JPT1: variants seen among roughly 807,000 people sequenced by gnomAD.
The protein encoded by JPT1 is Jupiter microtubule associated homolog 1, also known as androgen-regulated protein 2.
JPT1 carries 5 observed loss-of-function variants against 17.0 expected under a neutral mutation model. The ratio of observed to expected loss-of-function variants is 0.29; its 90% CI spans 0.15 to 0.62. The LOEUF (loss-of-function observed/expected upper bound fraction) is 0.62. Among genes scored for constraint, JPT1 ranks in the 20% least tolerant of loss-of-function variants. The probability of loss-of-function intolerance (pLI) is 0.85; values close to 1 mark genes in which losing one functional copy is unlikely to be tolerated. For synonymous variants in JPT1, 71 were observed against 73.6 expected (o/e 0.96, Z 0.18); for missense variants, 158 against 188.1 (o/e 0.84, Z 0.94).
At chr17:75,140,290 G>A (rs908971019) in intron 4 of JPT1, among the ~76,000 whole-genome samples, 2 of 152,002 alleles carry the variant, frequency 1.3e-5, no homozygotes, top group South Asian at 2.1e-4. Context: ...AAAAAAAAAG[G>A]GCTTTAAATG....
At position 75,149,618 on chromosome 17, in the gene JPT1, C is replaced by T. The variant is rs188103196; in HGVS notation, c.57-947G>A. Among the ~76,000 whole-genome samples, 904 of 152,236 alleles carry T rather than the reference C, an allele frequency of 5.9e-3. 6 individuals carry two copies. Among genetic ancestry groups the T allele is most frequent in the Admixed American group, 8.0e-3 (123 of 15,280 alleles). ...TCCTGACCTCATGATCCACTCACCT[C>T]GGCCTCCCAAAGTGCTAGGATTACA... On this transcript the variant is annotated intron_variant, in intron 1 of 4. Transcript: ENST00000409753.
chr17:75,137,538 T>A lies in JPT1; in HGVS notation c.317-1288A>T, dbSNP rs538650353. Reference sequence around the variant, plus strand: ...CAACTGGCTATTTTTGTTTTTTTTTTTTTTTTATTTTTAAAAGATGGGGTC... The same window carrying A: ...CAACTGGCTATTTTTGTTTTTTTTTATTTTTTATTTTTAAAAGATGGGGTC... On this transcript the variant is annotated intron_variant, in intron 4 of 4. Transcript: ENST00000409753. Among the ~76,000 whole-genome samples, 906 of 151,690 alleles carry A rather than the reference T, an allele frequency of 6.0e-3. 8 individuals carry two copies. The highest frequency in any genetic ancestry group is 0.021 in the African/African-American group (857 of 41,308).
At chr17:75,139,642 G>A (rs936283562) in intron 4 of JPT1, among the ~76,000 whole-genome samples, 3 of 151,988 alleles carry the variant, frequency 2.0e-5, no homozygotes, top group Non-Finnish European at 4.4e-5. Flanking sequence ...CCAACATGGT[G>A]AAACCCCGTG....
Position 75,135,334 on chromosome 17 carries a change from G to T in JPT1, c.*768C>A, listed in dbSNP as rs2074171795. 6.6e-6 allele frequency: 1 copy of T among 152,644 alleles called. No individual in the cohort carries two copies. The highest frequency in any genetic ancestry group is 2.1e-4 in the South Asian group (1 of 4,832). The allele number at this position is 152,644 out of a possible 1,614,324, so 9.5% of individuals were successfully genotyped here. On this transcript the variant is annotated 3_prime_UTR_variant, in exon 5 of 5. Transcript: ENST00000409753. ...TTTAAGGATGAGACTTTCCTTTCATGGTCAAGCACCAGCATCATGCACACA... is the reference window on the plus strand; with the variant it reads ...TTTAAGGATGAGACTTTCCTTTCATTGTCAAGCACCAGCATCATGCACACA...
intron 4 of JPT1, among the ~76,000 whole-genome samples, chr17:75,144,000 G>A (rs2074377076): frequency 6.6e-6 from 1 of 152,052 alleles, no homozygotes; most frequent in Non-Finnish European, 1.5e-5. Context: ...ACTCTAGCCT[G>A]GTTAAGACCA....
exon 1 of JPT1, chr17:75,154,508 CCGCTGCCGCCT>C: frequency 1.0e-6 from 1 of 968,440 alleles, no homozygotes; most frequent in Non-Finnish European, 1.5e-6. Context: ...GCAGGAGCCG[CCGCTGCCGCCT>C]GTCCGGCCGA....
At chr17:75,140,638 G>T (rs1426290174) in intron 4 of JPT1, among the ~76,000 whole-genome samples, 1 of 152,094 alleles carries the variant, frequency 6.6e-6, no homozygotes, top group Non-Finnish European at 1.5e-5. Flanking sequence ...ACTGAATTGG[G>T]GTTGACCTTT....
chr17:75,142,666 GGAAGGGAAC>G lies in JPT1; in HGVS notation c.316+3991_316+3999del, dbSNP rs2074347869. The stretch of plus-strand genomic sequence containing the variant: ...GAGGGGGGGATGGAGGGAAGGGGGA[GGAAGGGAAC>G]GGGAAGGGATGAGAAGGGAGGGGAG... On this transcript the variant is annotated intron_variant, in intron 4 of 4. Coordinates refer to ENST00000409753, the MANE Select transcript of JPT1 (RefSeq NM_016185.4). 3 of 367,222 alleles carry G rather than the reference GGAAGGGAAC, an allele frequency of 8.2e-6. 1 individual carries two copies. The highest frequency in any genetic ancestry group is 5.9e-5 in the Admixed American group (2 of 34,180). 22.7% of individuals were successfully genotyped at this position (367,222 alleles called of 1,614,324 possible). A position where few individuals can be genotyped will look rare whatever the true frequency, so the allele number is the denominator to read the frequency against.
At chr17:75,139,965 C>G (rs1381438211) in intron 4 of JPT1, among the ~76,000 whole-genome samples, 1 of 152,158 alleles carries the variant, frequency 6.6e-6, no homozygotes, top group Non-Finnish European at 1.5e-5. Context: ...GAGTCTCTCT[C>G]TCTTGCCAGG....
intron 2 of JPT1, 106 bp downstream of exon 2, chr17:75,148,420 TTTG>T (rs752910232): frequency 1.5e-5 from 20 of 1,343,228 alleles, no homozygotes; most frequent in East Asian, 9.5e-5. Context: ...TAATTTTTGT[TTTG>T]TTTTGTTTTT....
rs530478572 is a variant in JPT1, at chr17:75,154,478, C to T, written c.-81G>A. ...CCGAGGGGCGCTGGGAAACTCCACA[C>T]CCAACAGCCGACCACCGCTGCAGGA... On this transcript the variant is annotated 5_prime_UTR_variant, in exon 1 of 5. The change creates a new upstream start codon in the 5' untranslated region. Transcript: ENST00000409753. 44 of 1,343,548 alleles carry T rather than the reference C, an allele frequency of 3.3e-5. No individual in the cohort carries two copies. In the South Asian group the frequency reaches 4.6e-4, roughly 14 times the overall value. 83.2% of individuals were successfully genotyped at this position (1,343,548 alleles called of 1,614,324 possible). A position where few individuals can be genotyped will look rare whatever the true frequency, so the allele number is the denominator to read the frequency against.
chr17:75,144,743 T>C (rs913919417), intron 4 of JPT1, among the ~76,000 whole-genome samples: 2 of 151,950 alleles, frequency 1.3e-5, no homozygotes, highest in Non-Finnish European at 2.9e-5. Context: ...GAATCTGAGG[T>C]TATCTTCAGG....
At chr17:75,150,332 C>A (rs1370697567) in intron 1 of JPT1, among the ~76,000 whole-genome samples, 1 of 152,040 alleles carries the variant, frequency 6.6e-6, no homozygotes, top group Non-Finnish European at 1.5e-5. Context: ...CGGCTCACTG[C>A]AACCTCCGCC....
chr17:75,147,292 CAGGA>C (rs2145186118), intron 3 of JPT1, among the ~76,000 whole-genome samples: 1 of 152,048 alleles, frequency 6.6e-6, no homozygotes, highest in East Asian at 1.9e-4. Flanking sequence ...ATGAGACACA[CAGGA>C]AGTGAGAAAG....
rs1224353817 is a variant in JPT1 at position 75,136,158 on chromosome 17, G to A, written c.409C>T (p.Pro137Ser). ...GGGGGATTTCTTCTGGATGGCACTG[G>A]GGCCGGGGCCACCGGGCTGGGCACA... is the stretch of plus-strand genomic sequence containing the variant. The part of the protein sequence containing the change: ...APVPSPVAPA[P>S]VPSRRNPPGG... Residue 137 changes from proline (P) to serine (S), a missense_variant, in exon 5 of 5, where the codon CCA becomes TCA. Transcript: ENST00000409753. 1 of 1,614,184 alleles carries A rather than the reference G, an allele frequency of 6.2e-7. No individual in the cohort carries two copies. Among genetic ancestry groups the A allele is most frequent in the Non-Finnish European group, 8.5e-7 (1 of 1,180,044 alleles).
intron 4 of JPT1, among the ~76,000 whole-genome samples, chr17:75,136,928 G>A (rs2074209943): frequency 1.3e-5 from 2 of 152,100 alleles, no homozygotes; most frequent in Non-Finnish European, 2.9e-5. Context: ...CTTGTTTTAT[G>A]TATATTTACA....
chr17:75,136,272 A>G (rs372543698), intron 4 of JPT1, 22 bp from the exon 5 acceptor site: 7 of 1,541,504 alleles, frequency 4.5e-6, no homozygotes, highest in Non-Finnish European at 5.3e-6. Flanking sequence ...GGGAATAGAA[A>G]TAATACTCAT....
intron 4 of JPT1, 74 bp from the exon 5 acceptor site, chr17:75,136,324 TTTTTC>T: frequency 7.6e-6 from 11 of 1,438,954 alleles, no homozygotes; most frequent in Non-Finnish European, 1.0e-5. Context: ...TCTGTTTCTC[TTTTTC>T]TTTTTTTTTT....
At chr17:75,148,903 C>A (rs1398794442) in intron 1 of JPT1, among the ~76,000 whole-genome samples, 2 of 152,186 alleles carry the variant, frequency 1.3e-5, no homozygotes, top group Non-Finnish European at 2.9e-5. Context: ...ATCGATCACA[C>A]AAGGCAGCTG....
Sources: allele counts gnomAD v4.1 joint callset (sites outside exome capture counted in the v4.1 genomes callset), GRCh38; gene constraint gnomAD v4.1.1; transcripts MANE v1.5; gene names NCBI Gene and HGNC (gene_info 2026-07-23, HGNC 2026-07-21).